DNAH3: variants seen among roughly 807,000 people sequenced by gnomAD.
DNAH3 encodes axonemal beta dynein heavy chain 3.
A neutral mutation model predicts 432.5 loss-of-function variants in DNAH3; 332 were observed. That is an observed-to-expected ratio of 0.77 (90% CI 0.70 to 0.84). The LOEUF is 0.84. Ranked by LOEUF, DNAH3 falls within the 40% of genes least tolerant of loss-of-function variation. DNAH3 has a pLI of 0.00. For synonymous variants in DNAH3, 1,956 were observed against 1,900.2 expected (o/e 1.03, Z -0.76); for missense variants, 4,861 against 5,114.0 (o/e 0.95, Z 1.51).
chr16:21,048,632 G>A (rs566045540), intron 31 of DNAH3, among the ~76,000 whole-genome samples: 124 of 151,994 alleles, frequency 8.2e-4, no homozygotes, highest in Non-Finnish European at 9.3e-4. Context: ...GAAATCACCC[G>A]TCTTCTTCGT....
At chr16:20,935,226 T>C (rs564901663) in intron 61 of DNAH3, 122 bp downstream of exon 61, 53 of 1,143,514 alleles carry the variant, frequency 4.6e-5, no homozygotes, top group East Asian at 4.4e-4. Flanking sequence ...AAATGCTTCA[T>C]ATGTACCATT....
chr16:21,068,416 G>A (rs1354334187), intron 23 of DNAH3, among the ~76,000 whole-genome samples: 2 of 151,866 alleles, frequency 1.3e-5, no homozygotes, highest in Non-Finnish European at 2.9e-5. Flanking sequence ...CCAGGCTCAA[G>A]GGATCCTCCT....
intron 36 of DNAH3, among the ~76,000 whole-genome samples, chr16:21,031,782 C>T (rs1327923381): frequency 1.3e-5 from 2 of 152,202 alleles, no homozygotes; most frequent in Admixed American, 1.3e-4. Flanking sequence ...AATCCCAGCA[C>T]TTTGGGAGGC....
At chr16:21,041,313 G>A (rs971695870) in intron 32 of DNAH3, among the ~76,000 whole-genome samples, 9 of 152,158 alleles carry the variant, frequency 5.9e-5, no homozygotes, top group African/African-American at 2.2e-4. Context: ...AGATGTGGCA[G>A]TGAGCCAAGA....
chr16:21,067,247 G>T lies in DNAH3; in HGVS notation c.3518+36C>A, dbSNP rs751001403. The stretch of plus-strand genomic sequence containing the variant: ...GTAATTCTACCTACATATGGGGCAA[G>T]AATGTAATTCCAAATAAAAGAACAA... On this transcript the variant is annotated intron_variant, in intron 24 of 61. Transcript: ENST00000261383. 1.9e-6 allele frequency: 3 copies of T among 1,611,330 alleles called. No individual in the cohort carries two copies. In the East Asian group the frequency reaches 6.7e-5, roughly 36 times the overall value.
At chr16:21,072,212 CT>C (rs2090810590) in intron 21 of DNAH3, among the ~76,000 whole-genome samples, 1 of 143,144 alleles carries the variant, frequency 7.0e-6, no homozygotes, top group African/African-American at 2.7e-5. Flanking sequence ...GTTTGGGGAC[CT>C]TTGTTTAATT....
intron 3 of DNAH3, among the ~76,000 whole-genome samples, chr16:21,144,899 C>T (rs1473011646): frequency 6.6e-6 from 1 of 151,976 alleles, no homozygotes; most frequent in African/African-American, 2.4e-5. Flanking sequence ...AGGTGGATCA[C>T]CTGAGGTCAG....
intron 47 of DNAH3, among the ~76,000 whole-genome samples, chr16:20,986,518 ATTTT>A (rs147219758): frequency 1.7e-4 from 26 of 151,748 alleles, no homozygotes; most frequent in Non-Finnish European, 4.4e-5. Flanking sequence ...AAAAATAAAT[ATTTT>A]TTTTGTTAAA....
chr16:20,980,260 T>TATACATCA (rs574543904), intron 49 of DNAH3, among the ~76,000 whole-genome samples: 1 of 129,028 alleles, frequency 7.8e-6, no homozygotes, highest in Non-Finnish European at 1.7e-5. Context: ...ACATCATATA[T>TATACATCA]TATATTATAA....
intron 37 of DNAH3, 89 bp downstream of exon 37, chr16:21,030,956 T>C (rs2152723440): frequency 5.3e-6 from 7 of 1,316,398 alleles, no homozygotes; most frequent in Non-Finnish European, 6.4e-6. Flanking sequence ...AATAAATGTA[T>C]GTCTCTATAT....
intron 3 of DNAH3, among the ~76,000 whole-genome samples, chr16:21,143,514 T>A (rs562311080): frequency 2.0e-5 from 3 of 152,316 alleles, no homozygotes; most frequent in African/African-American, 7.2e-5. Context: ...AAGATATGAA[T>A]TTCTGTAGTT....
chr16:20,943,318 TCCAC>T (rs1189039264), intron 58 of DNAH3, among the ~76,000 whole-genome samples: 1 of 151,858 alleles, frequency 6.6e-6, no homozygotes, highest in African/African-American at 2.4e-5. Context: ...GCTCAAGCAA[TCCAC>T]CCACCTTGGC....
chr16:21,153,770 G>C (rs370577860), intron 1 of DNAH3, among the ~76,000 whole-genome samples: 1 of 152,100 alleles, frequency 6.6e-6, no homozygotes, highest in Admixed American at 6.6e-5. Context: ...CACTCACCGC[G>C]AGGGCCCACG....
exon 53 of DNAH3, chr16:20,964,885 A>C: frequency 6.2e-7 from 1 of 1,614,160 alleles, no homozygotes; most frequent in Non-Finnish European, 8.5e-7. Flanking sequence ...TGAGGACAGC[A>C]ACACGTCACC....
intron 43 of DNAH3, among the ~76,000 whole-genome samples, chr16:20,997,747 C>G (rs561130821): frequency 6.6e-6 from 1 of 151,556 alleles, no homozygotes; most frequent in East Asian, 1.9e-4. Flanking sequence ...GCCTATAATC[C>G]CAGCACTGTG....
intron 36 of DNAH3, among the ~76,000 whole-genome samples, chr16:21,032,839 C>A (rs974420895): frequency 2.0e-5 from 3 of 152,034 alleles, no homozygotes; most frequent in Non-Finnish European, 4.4e-5. Context: ...CTGCAGCATC[C>A]TGAGGCAAAC....
chr16:21,112,722 T>C (rs1282978962), intron 12 of DNAH3, among the ~76,000 whole-genome samples: 2 of 152,172 alleles, frequency 1.3e-5, no homozygotes, highest in South Asian at 2.1e-4. Context: ...CCAAATCTCA[T>C]GTCCTCAAAT....
At chr16:21,054,358 G>T in intron 28 of DNAH3, 62 bp downstream of exon 28, 1 of 1,272,718 alleles carries the variant, frequency 7.9e-7, no homozygotes, top group Non-Finnish European at 1.1e-6. Context: ...GAACTGAGAT[G>T]AGCAAGACTA....
intron 59 of DNAH3, among the ~76,000 whole-genome samples, chr16:20,939,649 A>G (rs774805878): frequency 4.6e-5 from 7 of 151,558 alleles, no homozygotes; most frequent in Non-Finnish European, 1.0e-4. Context: ...AAAATTCAGG[A>G]AGCCTAACAA....
Sources: gnomAD v4.1 joint callset for allele counts (sites outside exome capture counted in the v4.1 genomes callset) on GRCh38, gnomAD v4.1.1 for gene constraint, MANE v1.5 for transcripts, NCBI Gene and HGNC (gene_info 2026-07-23, HGNC 2026-07-21) for gene names.